The following GALNT17 variants were observed in gnomAD, a reference collection of about 807,000 sequenced individuals.
The protein encoded by GALNT17 is polypeptide N-acetylgalactosaminyltransferase 17.
GALNT17 carries 29 observed loss-of-function variants against 63.7 expected under a neutral mutation model. The ratio of observed to expected loss-of-function variants is 0.46; its 90% CI spans 0.34 to 0.62. The LOEUF is 0.62. Ranked by LOEUF, GALNT17 falls within the 20% of genes least tolerant of loss-of-function variation. The probability of loss-of-function intolerance (pLI) is 0.01; values close to 1 mark genes in which losing one functional copy is unlikely to be tolerated. For missense variants in GALNT17, 603 were observed against 799.6 expected (o/e 0.75, Z 2.97); for synonymous variants, 305 against 318.3 (o/e 0.96, Z 0.45).
intron 6 of GALNT17, among the ~76,000 whole-genome samples, chr7:71,609,730 T>C (rs1490647096): frequency 6.6e-6 from 1 of 152,126 alleles, no homozygotes; most frequent in Non-Finnish European, 1.5e-5. Context: ...ACTATATGTA[T>C]ATAGTGTGAC....
chr7:71,505,579 G>A (rs1364084454), intron 5 of GALNT17, among the ~76,000 whole-genome samples: 6 of 152,036 alleles, frequency 3.9e-5, no homozygotes, highest in African/African-American at 1.5e-4. Context: ...CAGCCTGGGT[G>A]ACAGCGTGAG....
intron 6 of GALNT17, among the ~76,000 whole-genome samples, chr7:71,625,214 G>A (rs1266386233): frequency 3.3e-5 from 5 of 151,636 alleles, no homozygotes; most frequent in Admixed American, 3.3e-4. Flanking sequence ...GCACGATCTC[G>A]GCTCACTGCA....
chr7:71,314,104 A>G (rs1791459089), intron 1 of GALNT17, among the ~76,000 whole-genome samples: 2 of 152,190 alleles, frequency 1.3e-5, no homozygotes, highest in African/African-American at 4.8e-5. Context: ...TCTTGTAGAG[A>G]ACAGTGAATT....
intron 5 of GALNT17, among the ~76,000 whole-genome samples, chr7:71,544,129 T>C (rs1435920521): frequency 5.4e-4 from 6 of 11,204 alleles, no homozygotes; most frequent in Admixed American, 1.1e-3. Flanking sequence ...TTTTTCTTTT[T>C]TTTTTTTTTT....
chr7:71,705,446 T>C (rs1485064600), intron 9 of GALNT17, among the ~76,000 whole-genome samples: 1 of 152,020 alleles, frequency 6.6e-6, no homozygotes, highest in Non-Finnish European at 1.5e-5. Flanking sequence ...CTTTGGAAAA[T>C]AGTTTGGCAG....
chr7:71,630,348 A>G (rs552980510), intron 6 of GALNT17, among the ~76,000 whole-genome samples: 2 of 152,302 alleles, frequency 1.3e-5, no homozygotes, highest in Admixed American at 6.5e-5. Context: ...CCAAGGATAA[A>G]CTCAGAACAT....
At position 71,232,221 on chromosome 7, in the gene GALNT17, G is replaced by A. The variant is rs4323378; in HGVS notation, c.238+99181G>A. ...CTCTGAGGGGATCTGCCAAATCCCT[G>A]AGGCCTACACATTTCTGTCCTTAGA... On this transcript the variant is annotated intron_variant, in intron 1 of 10. Coordinates refer to ENST00000333538, the MANE Select transcript of GALNT17 (RefSeq NM_022479.3). Among the ~76,000 whole-genome samples the A allele has an allele frequency of 6.9e-3, 1,048 of 152,270 alleles. 16 individuals carry two copies. Among genetic ancestry groups the A allele is most frequent in the African/African-American group, 0.023 (963 of 41,544 alleles).
chr7:71,315,649 A>T (rs998334818), intron 1 of GALNT17, among the ~76,000 whole-genome samples: 1 of 152,158 alleles, frequency 6.6e-6, no homozygotes, highest in African/African-American at 2.4e-5. Flanking sequence ...ATGGGAAGAG[A>T]GAAAAAACAT....
chr7:71,359,214 A>G (rs1792350980), intron 2 of GALNT17, among the ~76,000 whole-genome samples: 1 of 152,236 alleles, frequency 6.6e-6, no homozygotes, highest in Non-Finnish European at 1.5e-5. Context: ...ACTGGCTCAC[A>G]GTTCTACACG....
intron 5 of GALNT17, among the ~76,000 whole-genome samples, chr7:71,471,079 T>C (rs2116613050): frequency 6.6e-6 from 1 of 152,134 alleles, no homozygotes; most frequent in South Asian, 2.1e-4. Context: ...TTTTTTCTGT[T>C]TTTGTTTTTT....
At chr7:71,701,803 G>GTATATATATATACACATATATATACACA (rs1415465186) in intron 9 of GALNT17, among the ~76,000 whole-genome samples, 1 of 30,722 alleles carries the variant, frequency 3.3e-5, no homozygotes, top group African/African-American at 8.5e-5. Flanking sequence ...GTGTGTGTGT[G>GTATATATATATACACATATATATACACA]TATATATATA....
At chr7:71,558,059 G>A (rs1304415640) in intron 5 of GALNT17, among the ~76,000 whole-genome samples, 2 of 152,128 alleles carry the variant, frequency 1.3e-5, no homozygotes, top group Admixed American at 1.3e-4. Context: ...GGGCCACAGA[G>A]CGAGACTCTG....
intron 2 of GALNT17, among the ~76,000 whole-genome samples, chr7:71,364,929 T>TTTTTTATTA (rs1235715819): frequency 1.0e-4 from 7 of 67,482 alleles, no homozygotes; most frequent in African/African-American, 2.1e-4. Flanking sequence ...TTTAATACTT[T>TTTTTTATTA]TTTTTATTAT....
At chr7:71,667,918 G>GC (rs1427093895) in intron 7 of GALNT17, among the ~76,000 whole-genome samples, 1 of 151,954 alleles carries the variant, frequency 6.6e-6, no homozygotes, top group Non-Finnish European at 1.5e-5. Flanking sequence ...TCCCACCTCA[G>GC]CCTCCTGAGT....
At position 71,693,309 on chromosome 7, in the gene GALNT17, C is replaced by CAT. The variant is rs369668179; in HGVS notation, c.1500+16014_1500+16015dup. The stretch of plus-strand genomic sequence containing the variant: ...ACACACACACACACACACACACACA[C>CAT]ATATATATATATGGAGACAAGACCA... On this transcript the variant is annotated intron_variant, in intron 9 of 10. Coordinates refer to ENST00000333538, the MANE Select transcript of GALNT17 (RefSeq NM_022479.3). Among the ~76,000 whole-genome samples the CAT allele has an allele frequency of 8.0e-4, 99 of 124,178 alleles. 3 individuals carry two copies. The highest frequency in any genetic ancestry group is 2.3e-3 in the African/African-American group (80 of 34,130). The allele number at this position is 124,178 out of a possible 152,430, so 81.5% of individuals were successfully genotyped here.
At chr7:71,530,039 A>G (rs543916495) in intron 5 of GALNT17, among the ~76,000 whole-genome samples, 2 of 152,350 alleles carry the variant, frequency 1.3e-5, no homozygotes, top group South Asian at 4.1e-4. Context: ...TTAGAAAGGT[A>G]AACAAGAACA....
intron 6 of GALNT17, among the ~76,000 whole-genome samples, chr7:71,642,807 C>T (rs1790621817): frequency 6.6e-6 from 1 of 151,836 alleles, no homozygotes; most frequent in Non-Finnish European, 1.5e-5. Context: ...TGCACTCCAG[C>T]CTGGGCAATG....
At chr7:71,430,687 T>G (rs1023526667) in intron 5 of GALNT17, among the ~76,000 whole-genome samples, 3 of 152,228 alleles carry the variant, frequency 2.0e-5, no homozygotes. Flanking sequence ...TGTTAGAGCC[T>G]GTTAGACTCC....
chr7:71,152,848 G>T (rs1252960455), intron 1 of GALNT17, among the ~76,000 whole-genome samples: 1 of 151,906 alleles, frequency 6.6e-6, no homozygotes, highest in Non-Finnish European at 1.5e-5. Flanking sequence ...GGTCAGGCTG[G>T]TCTCGAACTC....
Sources: allele counts gnomAD v4.1 joint callset (sites outside exome capture counted in the v4.1 genomes callset), GRCh38; gene constraint gnomAD v4.1.1; transcripts MANE v1.5; gene names NCBI Gene and HGNC (gene_info 2026-07-23, HGNC 2026-07-21).